The following ARHGEF38 variants were observed in gnomAD, a reference collection of about 807,000 sequenced individuals.
The protein encoded by ARHGEF38 is Rho guanine nucleotide exchange factor (GEF) 38.
Under a neutral mutation model 79.9 loss-of-function variants are expected in ARHGEF38, and 79 were observed. The observed-to-expected ratio is 0.99, with a 90% CI of 0.82 to 1.19. The LOEUF is 1.19. Ranked by LOEUF, ARHGEF38 falls within the 50% of genes most tolerant of loss-of-function variation. The pLI is 0.00. For synonymous variants in ARHGEF38, 366 were observed against 328.3 expected (o/e 1.11, Z -1.24); for missense variants, 962 against 907.2 (o/e 1.06, Z -0.78).
At chr4:105,609,523 C>A (rs1356746160) in intron 2 of ARHGEF38, among the ~76,000 whole-genome samples, 1 of 151,924 alleles carries the variant, frequency 6.6e-6, no homozygotes, top group Admixed American at 6.6e-5. Context: ...TTAAAATATC[C>A]ATTCTACCTA....
intron 1 of ARHGEF38, among the ~76,000 whole-genome samples, chr4:105,565,427 C>T (rs7684945): frequency 0.03 from 4,582 of 152,268 alleles, 87 homozygotes; most frequent in Non-Finnish European, 0.046. Context: ...TAGGGCTCGA[C>T]GCAATGCTAA....
chr4:105,599,098 G>C (rs113871327), intron 2 of ARHGEF38, among the ~76,000 whole-genome samples: 5 of 152,298 alleles, frequency 3.3e-5, no homozygotes, highest in African/African-American at 1.2e-4. Flanking sequence ...GGGTATGAAA[G>C]TGATACATCA....
intron 1 of ARHGEF38, among the ~76,000 whole-genome samples, chr4:105,578,510 G>A (rs1376482871): frequency 6.6e-6 from 1 of 152,154 alleles, no homozygotes; most frequent in Non-Finnish European, 1.5e-5. Flanking sequence ...GTGTAGTACT[G>A]TCAGTGGAGT....
chr4:105,677,638 CT>C, intron 13 of ARHGEF38, 113 bp from the exon 14 acceptor site: 1 of 960,870 alleles, frequency 1.0e-6, no homozygotes, highest in Non-Finnish European at 1.4e-6. Context: ...GACAATGTGA[CT>C]TTGGCAAAAC....
intron 13 of ARHGEF38, among the ~76,000 whole-genome samples, chr4:105,669,289 T>C (rs1730878864): frequency 6.6e-6 from 1 of 152,196 alleles, no homozygotes; most frequent in Non-Finnish European, 1.5e-5. Context: ...CAGTATTTAA[T>C]TTTATGTATA....
At position 105,630,917 on chromosome 4, in the gene ARHGEF38, T is replaced by A; in HGVS notation, c.528T>A (p.Ile176=). Residue 176 remains isoleucine (I), a synonymous_variant, in exon 4 of 14, where the codon ATT becomes ATA. Coordinates refer to ENST00000420470, the MANE Select transcript of ARHGEF38 (RefSeq NM_001242729.2). ...MQVIGEVFLQ[I]KGPLEDIYKI... is the part of the protein sequence containing the mutation. ...TATCAGGAGAAGTATTCTTGCAGAT[T>A]AAAGGGCCACTGGAAGATATTTATA... 1 of 1,611,210 alleles carries A rather than the reference T, an allele frequency of 6.2e-7. No homozygotes were observed. Among genetic ancestry groups the A allele is most frequent in the South Asian group, 1.1e-5 (1 of 90,172 alleles).
chr4:105,614,144 TG>T (rs1232329009), intron 3 of ARHGEF38, among the ~76,000 whole-genome samples: 1 of 152,170 alleles, frequency 6.6e-6, no homozygotes, highest in Non-Finnish European at 1.5e-5. Flanking sequence ...CTCCATTTCT[TG>T]GGAATTTCCA....
intron 1 of ARHGEF38, among the ~76,000 whole-genome samples, chr4:105,555,694 G>A (rs949477460): frequency 1.3e-5 from 2 of 152,002 alleles, no homozygotes; most frequent in Non-Finnish European, 2.9e-5. Context: ...TATTTAGCTG[G>A]TTATTTAATT....
intron 10 of ARHGEF38, among the ~76,000 whole-genome samples, chr4:105,661,998 T>A (rs1250203844): frequency 6.6e-6 from 1 of 152,142 alleles, no homozygotes; most frequent in Non-Finnish European, 1.5e-5. Context: ...GATCTCTGTG[T>A]CAAAGGGTAA....
chr4:105,567,339 C>T lies in ARHGEF38; in HGVS notation c.196+14378C>T, dbSNP rs141460703. On this transcript the variant is annotated intron_variant, in intron 1 of 13. Coordinates refer to ENST00000420470, the MANE Select transcript of ARHGEF38 (RefSeq NM_001242729.2). ...TCTTTTAAATTTGTCTCATTCAACT[C>T]CTAATATAACAGCAGTGCTTTGGCA... 3.7e-4 allele frequency among the ~76,000 whole-genome samples: 57 copies of T among 152,272 alleles called. No individual in the cohort carries two copies. In the East Asian group the frequency reaches 0.01, roughly 27 times the overall value.
intron 1 of ARHGEF38, among the ~76,000 whole-genome samples, chr4:105,558,761 G>A (rs1021498955): frequency 9.2e-5 from 14 of 151,668 alleles, no homozygotes; most frequent in African/African-American, 3.1e-4. Flanking sequence ...ATGTTTGACC[G>A]ATATGACTTT....
intron 1 of ARHGEF38, among the ~76,000 whole-genome samples, chr4:105,562,208 A>T (rs1231202959): frequency 6.6e-6 from 1 of 152,158 alleles, no homozygotes; most frequent in Non-Finnish European, 1.5e-5. Context: ...GTGTGTTCTG[A>T]TCCCCCTCAG....
At chr4:105,675,004 T>C (rs1731070368) in intron 13 of ARHGEF38, among the ~76,000 whole-genome samples, 1 of 152,162 alleles carries the variant, frequency 6.6e-6, no homozygotes, top group South Asian at 2.1e-4. Flanking sequence ...CTTACAGATG[T>C]TTCAGATGTA....
chr4:105,609,943 A>AC (rs1452980476), intron 2 of ARHGEF38, among the ~76,000 whole-genome samples: 1 of 152,142 alleles, frequency 6.6e-6, no homozygotes, highest in East Asian at 1.9e-4. Flanking sequence ...AATAGCAAAG[A>AC]CATAGAATCA....
At chr4:105,667,423 T>G in intron 12 of ARHGEF38, 21 bp from the exon 13 acceptor site, 1 of 1,534,734 alleles carries the variant, frequency 6.5e-7, no homozygotes, top group Non-Finnish European at 8.7e-7. Flanking sequence ...TGGTTCTTCT[T>G]TCTTTTTATT....
intron 4 of ARHGEF38, among the ~76,000 whole-genome samples, chr4:105,634,352 C>G (rs1416640892): frequency 6.6e-6 from 1 of 152,144 alleles, no homozygotes; most frequent in East Asian, 1.9e-4. Flanking sequence ...AAATACACAT[C>G]TGCATCTATA....
rs1560684837 is a variant in ARHGEF38 at position 105,561,510 on chromosome 4, GAATAGAATAGAATAGAATAGAATAGAATA to G, written c.196+8550_196+8578del. 1.7e-4 allele frequency: 25 copies of G among 147,604 alleles called. 1 individual carries two copies. Among genetic ancestry groups the G allele is most frequent in the Middle Eastern group, 3.4e-3 (1 of 298 alleles). 9.1% of individuals were successfully genotyped at this position (147,604 alleles called of 1,614,324 possible). A position where few individuals can be genotyped will look rare whatever the true frequency, so the allele number is the denominator to read the frequency against. Reference sequence around the variant, plus strand: ...GAATAGAATAGAATAGAATAGAATAGAATAGAATAGAATAGAATAGAATAGAATAGAAAAGTTTCTTTCCCCAGATCTCT... The same window carrying G: ...GAATAGAATAGAATAGAATAGAATAGGAAAAGTTTCTTTCCCCAGATCTCT... On this transcript the variant is annotated intron_variant, in intron 1 of 13. Transcript: ENST00000420470.
chr4:105,665,906 C>G (rs1730732174), intron 10 of ARHGEF38, among the ~76,000 whole-genome samples: 1 of 152,108 alleles, frequency 6.6e-6, no homozygotes, highest in African/African-American at 2.4e-5. Context: ...GCCATGAGCT[C>G]CTGAGCTTTT....
At chr4:105,630,815 C>T (rs950499327) in intron 3 of ARHGEF38, 83 bp from the exon 4 acceptor site, 25 of 1,267,066 alleles carry the variant, frequency 2.0e-5, no homozygotes, top group South Asian at 1.4e-4. Context: ...GTTTTTGACA[C>T]GAGTCGACAT....
Sources: allele counts gnomAD v4.1 joint callset (sites outside exome capture counted in the v4.1 genomes callset), GRCh38; gene constraint gnomAD v4.1.1; transcripts MANE v1.5; gene names NCBI Gene and HGNC (gene_info 2026-07-23, HGNC 2026-07-21).